Variants in LIMK2 observed in about 807,000 individuals in gnomAD.
The protein encoded by LIMK2 is LIM domain kinase 2.
In LIMK2, 35 loss-of-function variants were observed where a neutral mutation model predicts 75.7. The ratio of observed to expected loss-of-function variants is 0.46; its 90% CI spans 0.35 to 0.61. LIMK2 has a LOEUF of 0.61. LIMK2 is among the 20% of genes least tolerant of loss of function. The pLI is 0.00. For synonymous variants in LIMK2, 301 were observed against 319.2 expected (o/e 0.94, Z 0.61); for missense variants, 623 against 831.0 (o/e 0.75, Z 3.08).
intron 2 of LIMK2, among the ~76,000 whole-genome samples, chr22:31,226,961 CTT>C (rs2048485949): frequency 6.6e-6 from 1 of 152,206 alleles, no homozygotes; most frequent in Non-Finnish European, 1.5e-5. Context: ...ATTATACAGA[CTT>C]CAAATCAGAT....
Position 31,278,498 on chromosome 22 carries a change from C to T in LIMK2, c.*57C>T, listed in dbSNP as rs2049055048. 6.6e-7 allele frequency: 1 copy of T among 1,524,618 alleles called. No homozygotes were observed. The allele number at this position is 1,524,618 out of a possible 1,614,324, so 94.4% of individuals were successfully genotyped here. Reference sequence around the variant, plus strand: ...TACAGCCAGCATTGCCCCTCTGTGCCCCATTCCTGCTGTGAGCAGGGCCGT... The same window carrying T: ...TACAGCCAGCATTGCCCCTCTGTGCTCCATTCCTGCTGTGAGCAGGGCCGT... On this transcript the variant is annotated 3_prime_UTR_variant, in exon 16 of 16. Coordinates refer to ENST00000331728, the MANE Select transcript of LIMK2 (RefSeq NM_005569.4).
At position 31,266,053 on chromosome 22, in the gene LIMK2, A is replaced by G. The variant is rs746144967; in HGVS notation, c.962A>G (p.Tyr321Cys). The stretch of plus-strand genomic sequence containing the variant: ...GAATCCCTTCGTTGTTCCAGCAGCT[A>G]TTCACAGCAGATCTTCCGGCCCTGT... The part of the protein sequence containing the change: ...RSESLRCSSS[Y>C]SQQIFRPCDL... Residue 321 changes from tyrosine (Y) to cysteine (C), a missense_variant, in exon 8 of 16, where the codon TAT becomes TGT. Tyr to Cys is a radical substitution (Grantham distance 194). Coordinates refer to ENST00000331728, the MANE Select transcript of LIMK2 (RefSeq NM_005569.4). 6.2e-6 allele frequency: 10 copies of G among 1,614,078 alleles called. No homozygotes were observed. The South Asian group carries it at 6.6e-5, about 11-fold the overall frequency.
intron 2 of LIMK2, among the ~76,000 whole-genome samples, chr22:31,256,902 A>T (rs1250735357): frequency 6.6e-6 from 1 of 152,168 alleles, no homozygotes. Context: ...TCAGCAGGCC[A>T]GGGAGCTCTT....
In LIMK2 at chr22:31,278,650, T is replaced by G; in HGVS notation, c.*209T>G. The G allele has an allele frequency of 2.3e-6, 1 of 441,890 alleles. No individual in the cohort carries two copies. Among genetic ancestry groups the G allele is most frequent in the Non-Finnish European group, 4.0e-6 (1 of 251,892 alleles). The allele number at this position is 441,890 out of a possible 1,614,324, so 27.4% of individuals were successfully genotyped here. A position where few individuals can be genotyped will look rare whatever the true frequency, so the allele number is the denominator to read the frequency against. On this transcript the variant is annotated 3_prime_UTR_variant, in exon 16 of 16. Transcript: ENST00000331728. ...CACAGGTTCTGGGGCCTAGTTACTG[T>G]CTGTAAATCCAATACTTGCCTGAAA...
At position 31,266,058 on chromosome 22, in the gene LIMK2, C is replaced by T. The variant is rs1267229874; in HGVS notation, c.967C>T (p.Gln323Ter). Residue 323 changes from glutamine to a stop codon, truncating the protein, a stop_gained, in exon 8 of 16, where the codon CAG becomes TAG. Transcript: ENST00000331728. LOFTEE classifies it high-confidence loss of function. Reference protein sequence around the residue: ...ESLRCSSSYSQQIFRPCDLIH... With the variant: ...ESLRCSSSYS ...CCTTCGTTGTTCCAGCAGCTATTCA[C>T]AGCAGATCTTCCGGCCCTGTGACCT... 6 of 1,614,126 alleles carry T rather than the reference C, an allele frequency of 3.7e-6. No individual in the cohort carries two copies. The Admixed American group carries it at 5.0e-5, about 13-fold the overall frequency.
At chr22:31,243,038 T>C (rs1479187335) in intron 2 of LIMK2, among the ~76,000 whole-genome samples, 2 of 152,236 alleles carry the variant, frequency 1.3e-5, no homozygotes, top group African/African-American at 4.8e-5. Context: ...TTCTCTTGCC[T>C]CAGCCTCCGC....
Position 31,262,315 on chromosome 22 carries a change from T to G in LIMK2, c.657+76T>G, listed in dbSNP as rs963254317. On this transcript the variant is annotated intron_variant, in intron 6 of 15. Transcript: ENST00000331728. The surrounding 1 kb of genome is among the most constrained non-coding windows in gnomAD (Gnocchi z 5.0). ...CTCTGAGAAATCAGGCTGTAGCCTT[T>G]ACCTTTTCCTACCCCCAGCCCATCT... 5.3e-6 allele frequency: 6 copies of G among 1,137,336 alleles called. No individual in the cohort carries two copies. The highest frequency in any genetic ancestry group is 8.0e-6 in the Non-Finnish European group (6 of 749,984). The allele number at this position is 1,137,336 out of a possible 1,614,324, so 70.5% of individuals were successfully genotyped here. A position where few individuals can be genotyped will look rare whatever the true frequency, so the allele number is the denominator to read the frequency against.
intron 2 of LIMK2, among the ~76,000 whole-genome samples, chr22:31,240,868 A>G (rs879831960): frequency 2.6e-4 from 40 of 152,224 alleles, no homozygotes; most frequent in Non-Finnish European, 1.9e-4. Flanking sequence ...CAAAATGTCA[A>G]TCACCAAACA....
chr22:31,248,356 C>A, intron 2 of LIMK2: 3 of 1,258,358 alleles, frequency 2.4e-6, no homozygotes, highest in Non-Finnish European at 3.1e-6. Flanking sequence ...AAGAAGAAGG[C>A]TAACTTGACA....
intron 2 of LIMK2, among the ~76,000 whole-genome samples, chr22:31,257,292 T>C (rs2048794363): frequency 6.6e-6 from 1 of 152,090 alleles, no homozygotes; most frequent in African/African-American, 2.4e-5. Context: ...TATAGAAAAG[T>C]TGAAAATGTA....
chr22:31,230,345 G>A (rs1236825845), intron 2 of LIMK2, among the ~76,000 whole-genome samples: 2 of 152,184 alleles, frequency 1.3e-5, no homozygotes, highest in African/African-American at 4.8e-5. Flanking sequence ...AGGTTAAAGT[G>A]TGGAGCTATC....
intron 2 of LIMK2, among the ~76,000 whole-genome samples, chr22:31,229,175 C>T (rs565430436): frequency 4.6e-5 from 7 of 152,282 alleles, no homozygotes; most frequent in Non-Finnish European, 1.0e-4. Flanking sequence ...GGTTCTGTCT[C>T]CTAGTTGCAG....
chr22:31,248,668 G>C lies in LIMK2; in HGVS notation c.117-9623G>C. On this transcript the variant is annotated intron_variant, in intron 2 of 15. Transcript: ENST00000331728. ...GGCCATCTACAGCCGGCCTGAGGCA[G>C]TCACAGACGGATTTGCAGCTGAGCC... 2.5e-6 allele frequency: 4 copies of C among 1,614,034 alleles called. 1 individual carries two copies. Among genetic ancestry groups the C allele is most frequent in the South Asian group, 2.2e-5 (2 of 91,084 alleles).
chr22:31,278,198 G>C (rs1053157135), intron 15 of LIMK2, 99 bp from the exon 16 acceptor site: 2 of 1,081,960 alleles, frequency 1.8e-6, no homozygotes, highest in African/African-American at 3.1e-5. Flanking sequence ...TTTGCCTGAC[G>C]TTATACAACC....
At chr22:31,224,984 T>G (rs1156641998) in intron 1 of LIMK2, among the ~76,000 whole-genome samples, 1 of 152,204 alleles carries the variant, frequency 6.6e-6, no homozygotes, top group Non-Finnish European at 1.5e-5. Flanking sequence ...AGATCAGTGG[T>G]GGCATTAGAT....
intron 1 of LIMK2, among the ~76,000 whole-genome samples, chr22:31,224,325 G>GAT (rs1372632294): frequency 3.3e-5 from 5 of 152,182 alleles, no homozygotes; most frequent in African/African-American, 1.2e-4. Context: ...CTCAGCCAGT[G>GAT]ATAGGTAAGT....
intron 2 of LIMK2, 38 bp downstream of exon 2, chr22:31,225,857 A>G (rs376034854): frequency 3.4e-4 from 483 of 1,422,262 alleles, no homozygotes; most frequent in Middle Eastern, 1.6e-3. Context: ...CCAGTGTACT[A>G]TGGGCCAAGC....
rs116405031 is a variant in LIMK2 at position 31,278,003 on chromosome 22, C to G, written c.1773-294C>G. Among the ~76,000 whole-genome samples, 1,205 of 152,256 alleles carry G rather than the reference C, an allele frequency of 7.9e-3. 19 individuals are homozygous for G. Among genetic ancestry groups the G allele is most frequent in the African/African-American group, 0.028 (1,149 of 41,534 alleles). On this transcript the variant is annotated intron_variant, in intron 15 of 15. Coordinates refer to ENST00000331728, the MANE Select transcript of LIMK2 (RefSeq NM_005569.4). ...CGTGGCACTAGGAGCCTGGTGTTTC[C>G]GATTCCACCTTTGATAACTGCATTT... is the stretch of plus-strand genomic sequence containing the variant.
chr22:31,237,215 C>T (rs563068094), intron 2 of LIMK2, among the ~76,000 whole-genome samples: 9 of 145,840 alleles, frequency 6.2e-5, no homozygotes, highest in African/African-American at 2.3e-4. Flanking sequence ...GAGCTGAGAT[C>T]GCGCCACTGC....
Sources: gnomAD v4.1 joint callset for allele counts (sites outside exome capture counted in the v4.1 genomes callset) on GRCh38, gnomAD v4.1.1 for gene constraint, Gnocchi (gnomAD v3.1) non-coding constraint, MANE v1.5 for transcripts, NCBI Gene and HGNC (gene_info 2026-07-23, HGNC 2026-07-21) for gene names.